The following AMD1 variants were observed in gnomAD, a reference collection of about 807,000 sequenced individuals.
AMD1 encodes adenosylmethionine decarboxylase 1.
Under a neutral mutation model 40.2 loss-of-function variants are expected in AMD1, and 11 were observed. The observed-to-expected ratio is 0.27, with a 90% CI of 0.17 to 0.45. AMD1 has a LOEUF of 0.45. Among genes scored for constraint, AMD1 ranks in the 20% least tolerant of loss-of-function variants. The pLI is 1.00. For synonymous variants in AMD1, 121 were observed against 130.8 expected (o/e 0.93, Z 0.51); for missense variants, 257 against 410.2 (o/e 0.63, Z 3.23).
chr6:110,814,839 G>A, the AMD1 span: 3 of 845,484 alleles, frequency 3.5e-6, no homozygotes, highest in Non-Finnish European at 3.7e-6. Flanking sequence ...CCGCGCGGGG[G>A]AGGCGGGCGG....
intron 3 of AMD1, 50 bp downstream of exon 3, chr6:110,889,033 T>C: frequency 6.3e-7 from 1 of 1,596,822 alleles, no homozygotes; most frequent in Non-Finnish European, 8.5e-7. Context: ...GTTAGCGTTC[T>C]TATCCTGTAA....
At chr6:110,851,003 G>A in the AMD1 span, among the ~76,000 whole-genome samples, 16 of 152,110 alleles carry the variant, frequency 1.1e-4, no homozygotes, top group Non-Finnish European at 1.6e-4. Context: ...CAGCTCTGTC[G>A]CCCAGGCTGG....
the AMD1 span, among the ~76,000 whole-genome samples, chr6:110,830,652 G>A: frequency 1.4e-4 from 22 of 152,330 alleles, no homozygotes; most frequent in Non-Finnish European, 1.9e-4. Flanking sequence ...GCCCTGTTCC[G>A]CAAGGAGCAG....
intron 1 of AMD1, among the ~76,000 whole-genome samples, chr6:110,886,273 C>T (rs1222676229): frequency 3.3e-5 from 5 of 151,076 alleles, no homozygotes; most frequent in African/African-American, 4.9e-5. Context: ...GAGCAATGGC[C>T]TGTCAGATAT....
At chr6:110,817,527 T>C in the AMD1 span, among the ~76,000 whole-genome samples, 1 of 152,074 alleles carries the variant, frequency 6.6e-6, no homozygotes, top group African/African-American at 2.4e-5. Flanking sequence ...GAGAATCCCT[T>C]GAACCCGGGA....
the AMD1 span, among the ~76,000 whole-genome samples, chr6:110,824,864 C>T: frequency 6.6e-6 from 1 of 152,070 alleles, no homozygotes; most frequent in East Asian, 1.9e-4. Context: ...CTAATATAAG[C>T]CTCATAGCTG....
chr6:110,883,024 T>C lies in AMD1; in HGVS notation c.111-4481T>C, dbSNP rs377157185. Among the ~76,000 whole-genome samples the C allele has an allele frequency of 7.9e-5, 12 of 152,260 alleles. No homozygotes were observed. The East Asian group carries it at 9.6e-4, about 12-fold the overall frequency. On this transcript the variant is annotated intron_variant, in intron 1 of 8. Transcript: ENST00000368885. ...CTGTGGTCCCAGCTACTTGGGAGGC[T>C]GAGGTGGGAGGATCTCTTTGAGCAT...
chr6:110,815,142 G>A, the AMD1 span: 2 of 1,590,020 alleles, frequency 1.3e-6, no homozygotes, highest in African/African-American at 2.8e-5. Context: ...TCCATTGTCT[G>A]CTTCCCCCAT....
In AMD1 at chr6:110,888,977, A is replaced by G. The variant is rs776115161; in HGVS notation, c.318A>G (p.Ser106=). 6.2e-7 allele frequency: 1 copy of G among 1,611,816 alleles called. No individual in the cohort carries two copies. The highest frequency in any genetic ancestry group is 1.1e-5 in the South Asian group (1 of 90,376). The change falls in exon 3 of 9, where the codon TCA becomes TCG. Residue 106 remains serine, a synonymous_variant. Transcript: ENST00000368885. ...CTAGGGATTACAGTGGGTTTGACTC[A>G]ATTCAAGTAAGTAAGCAAACATTTA... ...KLARDYSGFD[S]IQSFFYSRKN... is the part of the protein sequence containing the mutation.
chr6:110,870,696 T>C (rs1784899796), upstream of AMD1, among the ~76,000 whole-genome samples: 1 of 152,058 alleles, frequency 6.6e-6, no homozygotes, highest in African/African-American at 2.4e-5. Flanking sequence ...GAAAGTGGTT[T>C]TTGTTCCTTT....
chr6:110,839,230 T>C, the AMD1 span, among the ~76,000 whole-genome samples: 1 of 152,208 alleles, frequency 6.6e-6, no homozygotes, highest in South Asian at 2.1e-4. Context: ...CACTGTTTTC[T>C]ACACACTGAA....
the AMD1 span, among the ~76,000 whole-genome samples, chr6:110,838,245 C>T: frequency 8.0e-5 from 12 of 150,062 alleles, 1 homozygote; most frequent in East Asian, 2.0e-4. Context: ...AAAAATTAGC[C>T]GGGTGTGGTG....
chr6:110,836,264 G>C, the AMD1 span, among the ~76,000 whole-genome samples: 1 of 151,992 alleles, frequency 6.6e-6, no homozygotes, highest in Admixed American at 6.6e-5. Flanking sequence ...GCTCATCTTT[G>C]GAGGTGTTAA....
At chr6:110,854,000 G>A in the AMD1 span, among the ~76,000 whole-genome samples, 20 of 152,304 alleles carry the variant, frequency 1.3e-4, no homozygotes, top group African/African-American at 4.8e-4. Context: ...AGCCTGTTCT[G>A]AGACGGTGGA....
At chr6:110,888,387 C>T (rs977937677) in intron 2 of AMD1, 2 of 153,320 alleles carry the variant, frequency 1.3e-5, no homozygotes, top group African/African-American at 4.8e-5. Flanking sequence ...TCTCCTCTCA[C>T]TGCAACCTCT....
Position 110,875,189 on chromosome 6 carries a change from A to G in AMD1, c.84A>G (p.Gly28=). Residue 28 remains glycine (G), a synonymous_variant, in exon 1 of 9, where the codon GGA becomes GGG. Coordinates refer to ENST00000368885, the MANE Select transcript of AMD1 (RefSeq NM_001634.6). The part of the protein sequence containing the change: ...FSRQQPDANQ[G]SGDLRTIPRS... Reference sequence around the variant, plus strand: ...GGCAGCAGCCCGACGCAAACCAAGGATCTGGGGATCTTCGCACTATCCCAA... The same window carrying G: ...GGCAGCAGCCCGACGCAAACCAAGGGTCTGGGGATCTTCGCACTATCCCAA... The G allele has an allele frequency of 6.2e-7, 1 of 1,612,316 alleles. No individual in the cohort carries two copies. The highest frequency in any genetic ancestry group is 8.5e-7 in the Non-Finnish European group (1 of 1,179,258).
At chr6:110,843,876 C>G in the AMD1 span, among the ~76,000 whole-genome samples, 4 of 152,180 alleles carry the variant, frequency 2.6e-5, no homozygotes, top group Non-Finnish European at 5.9e-5. Flanking sequence ...GTGTGAGCCA[C>G]GGAGCTCGGC....
At chr6:110,892,858 T>C in intron 7 of AMD1, 31 bp downstream of exon 7, 1 of 1,613,638 alleles carries the variant, frequency 6.2e-7, no homozygotes, top group Admixed American at 1.7e-5. Flanking sequence ...TCAATAATTA[T>C]TTAAATGTGA....
the AMD1 span, among the ~76,000 whole-genome samples, chr6:110,838,214 C>A: frequency 3.3e-5 from 5 of 151,234 alleles, no homozygotes; most frequent in Non-Finnish European, 7.4e-5. Context: ...CATGGTGAAA[C>A]CCTGCCTCTA....
Sources: gnomAD v4.1 joint callset for allele counts (sites outside exome capture counted in the v4.1 genomes callset) on GRCh38, gnomAD v4.1.1 for gene constraint, MANE v1.5 for transcripts, NCBI Gene and HGNC (gene_info 2026-07-23, HGNC 2026-07-21) for gene names.